PPP1R12A: variants seen among roughly 807,000 people sequenced by gnomAD.
PPP1R12A encodes the protein myosin binding subunit.
PPP1R12A carries 19 observed loss-of-function variants against 139.6 expected under a neutral mutation model. That is an observed-to-expected ratio of 0.14 (90% CI 0.09 to 0.20). The LOEUF (loss-of-function observed/expected upper bound fraction) is 0.20. Ranked by LOEUF, PPP1R12A falls within the 10% of genes least tolerant of loss-of-function variation. The pLI, the probability that PPP1R12A is intolerant of heterozygous loss-of-function variation, is 1.00. For synonymous variants in PPP1R12A, 427 were observed against 420.6 expected, an observed-to-expected ratio of 1.02 and a Z score of -0.19; for missense variants, 925 against 1,211.5, an observed-to-expected ratio of 0.76 and a Z score of 3.51.
intron 3 of PPP1R12A, among the ~76,000 whole-genome samples, chr12:79,833,894 CTAAATGAACAA>C (rs1877766839): frequency 6.8e-6 from 1 of 146,612 alleles, no homozygotes; most frequent in African/African-American, 2.5e-5. Context: ...TAAATGTTCA[CTAAATGAACAA>C]TGAATGAACA....
intron 1 of PPP1R12A, among the ~76,000 whole-genome samples, chr12:79,910,119 A>G (rs1465689586): frequency 2.0e-5 from 3 of 152,186 alleles, no homozygotes; most frequent in Non-Finnish European, 4.4e-5. Context: ...GAAAAGAGCC[A>G]ATCTGAATTA....
rs767888100 is a variant in PPP1R12A at position 79,830,103 on chromosome 12, TA to T, written c.648-1640del. 9.2e-3 allele frequency among the ~76,000 whole-genome samples: 1,332 copies of T among 145,176 alleles called. 13 individuals carry two copies. Among genetic ancestry groups the T allele is most frequent in the African/African-American group, 0.029 (1,141 of 39,932 alleles). On this transcript the variant is annotated intron_variant, in intron 4 of 24. Coordinates refer to ENST00000450142, the MANE Select transcript of PPP1R12A (RefSeq NM_002480.3). ...TTCATAAGTAATATGTTCACAAAGT[TA>T]AAAAAAAAAAGAATGAAAGGATACA... is the stretch of plus-strand genomic sequence containing the variant.
At chr12:79,914,343 T>C (rs888989320) in intron 1 of PPP1R12A, among the ~76,000 whole-genome samples, 7 of 151,836 alleles carry the variant, frequency 4.6e-5, no homozygotes, top group African/African-American at 1.7e-4. Flanking sequence ...TGCAAAACTA[T>C]AATATAATAT....
intron 1 of PPP1R12A, among the ~76,000 whole-genome samples, chr12:79,930,860 T>G (rs1416361786): frequency 2.0e-5 from 3 of 152,080 alleles, no homozygotes; most frequent in Non-Finnish European, 2.9e-5. Context: ...CCAAGGTAAT[T>G]GTAAAGAAAA....
chr12:79,810,495 G>A (rs550721964), intron 9 of PPP1R12A, among the ~76,000 whole-genome samples: 3 of 152,182 alleles, frequency 2.0e-5, no homozygotes, highest in East Asian at 3.9e-4. Flanking sequence ...AGGCATGATA[G>A]GAGCAATGAA....
chr12:79,922,373 G>A (rs139439624), intron 1 of PPP1R12A, among the ~76,000 whole-genome samples: 11 of 152,150 alleles, frequency 7.2e-5, no homozygotes, highest in Admixed American at 5.2e-4. Flanking sequence ...GTACTTTCAC[G>A]GTTAGTTTTC....
intron 2 of PPP1R12A, among the ~76,000 whole-genome samples, chr12:79,855,235 G>A (rs1357124710): frequency 2.0e-5 from 3 of 152,042 alleles, no homozygotes; most frequent in East Asian, 3.9e-4. Flanking sequence ...TGATCCGCCC[G>A]CCTCAGCCTC....
intron 1 of PPP1R12A, among the ~76,000 whole-genome samples, chr12:79,909,035 T>C (rs1886346062): frequency 6.6e-6 from 1 of 152,170 alleles, no homozygotes; most frequent in East Asian, 1.9e-4. Context: ...CAGGTATTCT[T>C]AAGGATACCA....
chr12:79,891,615 A>C (rs1369989701), intron 1 of PPP1R12A, among the ~76,000 whole-genome samples: 5 of 152,200 alleles, frequency 3.3e-5, no homozygotes, highest in African/African-American at 1.2e-4. Context: ...GTAGTCACAC[A>C]CTTGTGTAAC....
intron 2 of PPP1R12A, among the ~76,000 whole-genome samples, chr12:79,860,454 G>A (rs900706778): frequency 6.6e-6 from 1 of 151,948 alleles, no homozygotes; most frequent in Non-Finnish European, 1.5e-5. Context: ...GAACAATGAC[G>A]AGTATCTCTA....
intron 2 of PPP1R12A, among the ~76,000 whole-genome samples, chr12:79,859,354 G>GA (rs1160349807): frequency 0.018 from 736 of 40,138 alleles, 21 homozygotes; most frequent in African/African-American, 0.029. Context: ...AAAAAAGAAA[G>GA]AAAAAAAAAA....
upstream of PPP1R12A, chr12:79,935,435 A>C: frequency 3.0e-6 from 3 of 990,246 alleles, no homozygotes; most frequent in South Asian, 4.4e-5. Context: ...GTGGAACCGC[A>C]AGGCTCTACA....
chr12:79,845,672 T>C (rs924190517), intron 2 of PPP1R12A, among the ~76,000 whole-genome samples: 3 of 151,922 alleles, frequency 2.0e-5, no homozygotes, highest in Non-Finnish European at 4.4e-5. Context: ...CTGTCTCTAC[T>C]AAAAATACAA....
intron 2 of PPP1R12A, among the ~76,000 whole-genome samples, chr12:79,865,135 T>C (rs2656038): frequency 0.19 from 29,235 of 152,154 alleles, 4,855 homozygotes; most frequent in African/African-American, 0.44. Context: ...CAAGTCGGCT[T>C]CAGCCCTGGG....
intron 15 of PPP1R12A, among the ~76,000 whole-genome samples, chr12:79,798,135 T>C (rs1036992345): frequency 6.6e-6 from 1 of 152,144 alleles, no homozygotes; most frequent in African/African-American, 2.4e-5. Context: ...TTAGACATCA[T>C]ATGATTAATT....
At chr12:79,788,451 A>T (rs1184686906) in intron 21 of PPP1R12A, 197 bp downstream of exon 21, 6 of 516,926 alleles carry the variant, frequency 1.2e-5, no homozygotes, top group Non-Finnish European at 1.7e-5. Context: ...TTAAATGTAA[A>T]ATCATCTTGG....
chr12:79,908,049 A>C (rs1230868713), intron 1 of PPP1R12A, among the ~76,000 whole-genome samples: 4 of 152,114 alleles, frequency 2.6e-5, no homozygotes, highest in South Asian at 2.1e-4. Context: ...ACATACACTA[A>C]ATTTCTGAAG....
intron 1 of PPP1R12A, among the ~76,000 whole-genome samples, chr12:79,929,696 G>A (rs1295657608): frequency 6.6e-6 from 1 of 151,888 alleles, no homozygotes; most frequent in Non-Finnish European, 1.5e-5. Flanking sequence ...TTGAACCTGG[G>A]CGGCGGAGTT....
chr12:79,859,771 G>C (rs1881108997), intron 2 of PPP1R12A, among the ~76,000 whole-genome samples: 1 of 152,140 alleles, frequency 6.6e-6, no homozygotes, highest in Non-Finnish European at 1.5e-5. Flanking sequence ...AAAAAAATTA[G>C]CTAGAAGCAG....
Sources: gnomAD v4.1 joint callset for allele counts (sites outside exome capture counted in the v4.1 genomes callset) on GRCh38, gnomAD v4.1.1 for gene constraint, MANE v1.5 for transcripts, NCBI Gene and HGNC (gene_info 2026-07-23, HGNC 2026-07-21) for gene names.